Variants in TSGA10 observed in about 807,000 individuals in gnomAD.
The protein encoded by TSGA10 is testis specific 10.
TSGA10 carries 43 observed loss-of-function variants against 96.6 expected under a neutral mutation model. The ratio of observed to expected loss-of-function variants is 0.44; its 90% confidence interval spans 0.35 to 0.57. TSGA10 has a LOEUF of 0.57. Ranked by LOEUF, TSGA10 falls within the 20% of genes least tolerant of loss-of-function variation. The probability of loss-of-function intolerance (pLI) is 0.01; values close to 1 mark genes in which losing one functional copy is unlikely to be tolerated. For synonymous variants in TSGA10, 229 were observed against 269.9 expected, an observed-to-expected ratio of 0.85 and a Z score of 1.48; for missense variants, 703 against 834.4, an observed-to-expected ratio of 0.84 and a Z score of 1.94.
intron 16 of TSGA10, among the ~76,000 whole-genome samples, chr2:99,058,061 G>A (rs1015403302): frequency 6.6e-6 from 1 of 151,998 alleles, no homozygotes; most frequent in East Asian, 1.9e-4. Context: ...ACATGCAAAA[G>A]AATGAATTTG....
At chr2:99,061,688 A>G (rs2084712493) in intron 16 of TSGA10, among the ~76,000 whole-genome samples, 1 of 152,200 alleles carries the variant, frequency 6.6e-6, no homozygotes, top group African/African-American at 2.4e-5. Flanking sequence ...AGACTTGAAC[A>G]CAATGTTCAC....
intron 16 of TSGA10, among the ~76,000 whole-genome samples, chr2:99,040,492 C>A (rs2082082111): frequency 6.6e-6 from 1 of 152,104 alleles, no homozygotes. Flanking sequence ...AAGAACTCAA[C>A]TCCTTTTACA....
chr2:99,118,596 G>A lies in TSGA10; in HGVS notation c.-401C>T. On this transcript the variant is annotated 5_prime_UTR_variant, in exon 3 of 21. Transcript: ENST00000393483. ...ATCAATCAAGTATTTGCTGCCTAAT[G>A]TGGAGGAACACAGCTTTCCTTCCCA... 1 of 983,618 alleles carries A rather than the reference G, an allele frequency of 1.0e-6. No individual in the cohort carries two copies. Among genetic ancestry groups the A allele is most frequent in the Non-Finnish European group, 1.2e-6 (1 of 828,744 alleles). 60.9% of individuals were successfully genotyped at this position (983,618 alleles called of 1,614,324 possible).
At chr2:99,049,475 C>A (rs376165115) in intron 16 of TSGA10, among the ~76,000 whole-genome samples, 3 of 152,068 alleles carry the variant, frequency 2.0e-5, no homozygotes, top group African/African-American at 7.2e-5. Context: ...CAAACTAACA[C>A]AAGAACAGAA....
At chr2:99,089,053 G>A (rs568488823) in intron 10 of TSGA10, among the ~76,000 whole-genome samples, 1 of 152,298 alleles carries the variant, frequency 6.6e-6, no homozygotes, top group South Asian at 2.1e-4. Context: ...CAGGACCTGA[G>A]AGACAGCCCA....
intron 14 of TSGA10, among the ~76,000 whole-genome samples, chr2:99,070,207 TA>T (rs1324547650): frequency 6.6e-6 from 1 of 152,192 alleles, no homozygotes; most frequent in East Asian, 1.9e-4. Context: ...AAGCTAATAA[TA>T]GCTATAAAAT....
At chr2:99,147,596 T>G in intron 1 of TSGA10, 1 of 981,092 alleles carries the variant, frequency 1.0e-6, no homozygotes, top group East Asian at 2.5e-5. Flanking sequence ...TATGTTACCA[T>G]TCTTTTACGT....
chr2:99,094,342 G>T (rs1378199859), intron 10 of TSGA10, among the ~76,000 whole-genome samples: 1 of 152,106 alleles, frequency 6.6e-6, no homozygotes, highest in Non-Finnish European at 1.5e-5. Context: ...CATTGGCTTA[G>T]GCAGTGACTT....
chr2:99,007,572 A>T (rs1158896028), intron 20 of TSGA10, among the ~76,000 whole-genome samples: 1 of 152,216 alleles, frequency 6.6e-6, no homozygotes, highest in Non-Finnish European at 1.5e-5. Flanking sequence ...TCAGAATATC[A>T]ATGCAACAAA....
rs2087051051 is a variant in TSGA10, at chr2:99,078,710, C to CA, written c.830dup (p.Leu277PhefsTer3). 1 of 1,613,436 alleles carries CA rather than the reference C, an allele frequency of 6.2e-7. No individual in the cohort carries two copies. Among genetic ancestry groups the CA allele is most frequent in the African/African-American group, 1.3e-5 (1 of 74,870 alleles). On this transcript the variant is annotated frameshift_variant, in exon 12 of 21. Coordinates refer to ENST00000393483, the MANE Select transcript of TSGA10 (RefSeq NM_025244.4). LOFTEE classifies it high-confidence loss of function. The stretch of plus-strand genomic sequence containing the variant: ...ATGCAATATTCTCAGATTTTTTATC[C>CA]AAACATGCTTGCAGGCATTCCTTTT...
intron 20 of TSGA10, among the ~76,000 whole-genome samples, chr2:99,017,808 C>G (rs940848545): frequency 1.3e-5 from 2 of 150,292 alleles, no homozygotes; most frequent in African/African-American, 4.9e-5. Context: ...TTTGGGGATT[C>G]AGGGGGAAGG....
intron 16 of TSGA10, among the ~76,000 whole-genome samples, chr2:99,047,009 C>T (rs2082847493): frequency 1.3e-5 from 2 of 152,120 alleles, no homozygotes; most frequent in African/African-American, 4.8e-5. Context: ...TACACCCTCC[C>T]AAGACTAAAT....
intron 16 of TSGA10, among the ~76,000 whole-genome samples, chr2:99,044,579 T>C (rs1355792027): frequency 1.3e-5 from 2 of 152,044 alleles, no homozygotes; most frequent in Non-Finnish European, 2.9e-5. Flanking sequence ...CACACAATAA[T>C]AGTGGGAGAT....
chr2:99,031,874 T>C (rs1320372926), intron 17 of TSGA10, among the ~76,000 whole-genome samples: 1 of 152,232 alleles, frequency 6.6e-6, no homozygotes, highest in African/African-American at 2.4e-5. Context: ...AGGAATCTAA[T>C]GCCTGATGAT....
intron 10 of TSGA10, among the ~76,000 whole-genome samples, chr2:99,089,748 T>C (rs2089054050): frequency 6.6e-6 from 1 of 152,044 alleles, no homozygotes; most frequent in African/African-American, 2.4e-5. Flanking sequence ...AGAGCAGTGG[T>C]AGCAAGCCCC....
chr2:99,008,803 A>G (rs185889239), intron 20 of TSGA10, among the ~76,000 whole-genome samples: 4 of 152,356 alleles, frequency 2.6e-5, no homozygotes, highest in Admixed American at 2.0e-4. Flanking sequence ...TTGCATAACT[A>G]TGGTACATCC....
intron 10 of TSGA10, chr2:99,102,837 T>A: frequency 2.7e-6 from 3 of 1,112,990 alleles, no homozygotes; most frequent in Non-Finnish European, 4.1e-6. Flanking sequence ...ACCTAAATAT[T>A]TGGCCAATAG....
At chr2:99,027,903 A>G (rs1383180772) in intron 17 of TSGA10, among the ~76,000 whole-genome samples, 1 of 152,140 alleles carries the variant, frequency 6.6e-6, no homozygotes, top group Non-Finnish European at 1.5e-5. Context: ...AGCATCTCTA[A>G]ATACTGATCC....
chr2:99,077,126 CCTT>C (rs1226302373), intron 12 of TSGA10, among the ~76,000 whole-genome samples: 4 of 124,480 alleles, frequency 3.2e-5, no homozygotes, highest in Non-Finnish European at 6.9e-5. Flanking sequence ...GGACCATTCA[CCTT>C]TTTTTTTTTT....
Sources: allele counts gnomAD v4.1 joint callset (sites outside exome capture counted in the v4.1 genomes callset), GRCh38; gene constraint gnomAD v4.1.1; transcripts MANE v1.5; gene names NCBI Gene and HGNC (gene_info 2026-07-23, HGNC 2026-07-21).